Variants in USP13 observed in about 807,000 individuals in gnomAD.
The protein encoded by USP13 is ubiquitin carboxyl-terminal hydrolase 13.
USP13 carries 68 observed loss-of-function variants against 107.8 expected under a neutral mutation model. The ratio of observed to expected loss-of-function variants is 0.63; its 90% CI spans 0.52 to 0.77. USP13 has a LOEUF of 0.77. USP13 is among the 30% of genes least tolerant of loss of function. USP13 has a pLI of 0.00. For synonymous variants in USP13, 377 were observed against 389.5 expected, an observed-to-expected ratio of 0.97 and a Z score of 0.38; for missense variants, 945 against 1,093.3, an observed-to-expected ratio of 0.86 and a Z score of 1.91.
In USP13 at chr3:179,700,669, C is replaced by T. The variant is rs530722829; in HGVS notation, c.356-339C>T. ...TACCTGACACATCGTAATTACCAATCCTTGCCTTTTTAAGAGTTTCTAAGA... is the reference window on the plus strand; with the variant it reads ...TACCTGACACATCGTAATTACCAATTCTTGCCTTTTTAAGAGTTTCTAAGA... On this transcript the variant is annotated intron_variant, in intron 3 of 20. Coordinates refer to ENST00000263966, the MANE Select transcript of USP13 (RefSeq NM_003940.3). 1.4e-3 allele frequency among the ~76,000 whole-genome samples: 217 copies of T among 152,248 alleles called. 1 individual carries two copies. Among genetic ancestry groups the T allele is most frequent in the Non-Finnish European group, 3.1e-4 (21 of 68,026 alleles).
At position 179,721,281 on chromosome 3, in the gene USP13, T is replaced by C. The variant is rs1423239128; in HGVS notation, c.901-121T>C. 1 of 1,027,614 alleles carries C rather than the reference T, an allele frequency of 9.7e-7. No individual in the cohort carries two copies. Among genetic ancestry groups the C allele is most frequent in the East Asian group, 2.6e-5 (1 of 38,648 alleles). 63.7% of individuals were successfully genotyped at this position (1,027,614 alleles called of 1,614,324 possible). On this transcript the variant is annotated intron_variant, in intron 7 of 20. Transcript: ENST00000263966. The surrounding 1 kb of genome is among the most constrained non-coding windows in gnomAD (Gnocchi z 4.3). ...CTTTTTTATTTGCATTGTTTATTTC[T>C]CTATGTAATTGGGGAAAAAAATGGC...
At chr3:179,703,356 T>C (rs1422878518) in intron 4 of USP13, among the ~76,000 whole-genome samples, 1 of 152,232 alleles carries the variant, frequency 6.6e-6, no homozygotes, top group Non-Finnish European at 1.5e-5. Context: ...TCAAACCATC[T>C]AACCAGGTGA....
intron 13 of USP13, among the ~76,000 whole-genome samples, chr3:179,750,389 G>A (rs1367565271): frequency 1.4e-5 from 2 of 147,964 alleles, no homozygotes; most frequent in African/African-American, 5.0e-5. Context: ...TTTTTTTGGT[G>A]CAGTTGAGGA....
At chr3:179,657,451 A>G (rs1386293817) in intron 1 of USP13, among the ~76,000 whole-genome samples, 2 of 151,926 alleles carry the variant, frequency 1.3e-5, no homozygotes, top group Non-Finnish European at 2.9e-5. Context: ...GAATGGAAGG[A>G]AGAAAGAAGA....
Position 179,653,391 on chromosome 3 carries a change from C to T in USP13, c.166C>T (p.Pro56Ser). 2 of 1,557,726 alleles carry T rather than the reference C, an allele frequency of 1.3e-6. No individual in the cohort carries two copies. The highest frequency in any genetic ancestry group is 1.7e-6 in the Non-Finnish European group (2 of 1,150,744). The change falls in exon 1 of 21, where the codon CCC becomes TCC. Residue 56 changes from proline to serine, a missense_variant and splice_region_variant. Coordinates refer to ENST00000263966, the MANE Select transcript of USP13 (RefSeq NM_003940.3). This position sits in a 1 kb window ranked among gnomAD's most constrained non-coding sequence, Gnocchi z 4.0. ...KNECAFSYDS[P>S]NSEGGLYVCM... Reference sequence around the variant, plus strand: ...CGAGTGCGCCTTCTCCTACGACTCTCCCGTAAGTGAGGCGCCTCGGGGGAG... The same window carrying T: ...CGAGTGCGCCTTCTCCTACGACTCTTCCGTAAGTGAGGCGCCTCGGGGGAG...
At chr3:179,688,580 G>A (rs1427244045) in intron 2 of USP13, among the ~76,000 whole-genome samples, 1 of 152,190 alleles carries the variant, frequency 6.6e-6, no homozygotes, top group Non-Finnish European at 1.5e-5. Flanking sequence ...CTGATGCAGA[G>A]GTGATGGTCT....
At chr3:179,738,220 G>A in intron 10 of USP13, among the ~76,000 whole-genome samples, 1 of 152,354 alleles carries the variant, frequency 6.6e-6, no homozygotes, top group Non-Finnish European at 1.5e-5. Context: ...GGACTTCAGA[G>A]GAGAGGAATA....
chr3:179,727,028 G>A (rs943595782), intron 8 of USP13, among the ~76,000 whole-genome samples: 2 of 151,096 alleles, frequency 1.3e-5, no homozygotes, highest in African/African-American at 4.8e-5. Flanking sequence ...TGAGGATAAT[G>A]ATAACAACAA....
intron 6 of USP13, among the ~76,000 whole-genome samples, chr3:179,717,982 G>T (rs745926047): frequency 6.6e-6 from 1 of 151,992 alleles, no homozygotes; most frequent in African/African-American, 2.4e-5. Flanking sequence ...GGGGAGCAGC[G>T]AGTCTCCATA....
chr3:179,659,366 T>A (rs540433025), intron 1 of USP13, among the ~76,000 whole-genome samples: 1 of 152,192 alleles, frequency 6.6e-6, no homozygotes, highest in Non-Finnish European at 1.5e-5. Context: ...CTCACATGTA[T>A]ATAGAGCAGT....
chr3:179,758,451 G>A (rs1714882370), intron 16 of USP13, among the ~76,000 whole-genome samples: 1 of 152,074 alleles, frequency 6.6e-6, no homozygotes, highest in Non-Finnish European at 1.5e-5. Flanking sequence ...ACAATCAGGA[G>A]AAAATAAAAC....
rs1260999190 is a variant in USP13, at chr3:179,789,244, T to A, written c.*5103T>A. 6.6e-6 allele frequency: 1 copy of A among 152,224 alleles called. No homozygotes were observed. Among genetic ancestry groups the A allele is most frequent in the African/African-American group, 2.4e-5 (1 of 41,458 alleles). 9.4% of individuals were successfully genotyped at this position (152,224 alleles called of 1,614,324 possible). The stretch of plus-strand genomic sequence containing the variant: ...TGCCCACCTGTCCAGCAGGTTTTGA[T>A]GTTGGCTCCTGAAAGAGTTTGTATT... On this transcript the variant is annotated 3_prime_UTR_variant, in exon 21 of 21. Transcript: ENST00000263966.
At chr3:179,755,222 CA>C (rs1296826392) in intron 15 of USP13, among the ~76,000 whole-genome samples, 1 of 152,150 alleles carries the variant, frequency 6.6e-6, no homozygotes, top group Non-Finnish European at 1.5e-5. Flanking sequence ...TTTTTTACTG[CA>C]TCATAGAAAG....
intron 11 of USP13, among the ~76,000 whole-genome samples, chr3:179,741,822 A>G (rs1714211413): frequency 6.6e-6 from 1 of 152,224 alleles, no homozygotes; most frequent in Non-Finnish European, 1.5e-5. Context: ...CCTAATTTAC[A>G]TGAGTGTATT....
At chr3:179,698,615 C>A (rs1010105614) in intron 3 of USP13, among the ~76,000 whole-genome samples, 7 of 151,208 alleles carry the variant, frequency 4.6e-5, no homozygotes, top group African/African-American at 1.7e-4. Context: ...CACACATAAA[C>A]ACAAGATTTA....
intron 1 of USP13, among the ~76,000 whole-genome samples, chr3:179,657,495 G>A (rs1462119240): frequency 1.3e-5 from 2 of 152,108 alleles, no homozygotes; most frequent in African/African-American, 4.8e-5. Context: ...GGGTGCTGTG[G>A]CTCCCACCTG....
intron 2 of USP13, among the ~76,000 whole-genome samples, chr3:179,687,659 C>CAAAAAAAAAAAAAAAAACAAAAA (rs1711921387): frequency 5.4e-5 from 1 of 18,516 alleles, no homozygotes. Context: ...AACTCTGTCT[C>CAAAAAAAAAAAAAAAAACAAAAA]AAAAAAAAAA....
At chr3:179,659,781 G>C (rs910143770) in intron 1 of USP13, among the ~76,000 whole-genome samples, 1 of 152,198 alleles carries the variant, frequency 6.6e-6, no homozygotes, top group Non-Finnish European at 1.5e-5. Flanking sequence ...GCTCACACCT[G>C]TAATCCCAGC....
chr3:179,658,918 C>G (rs1228304015), intron 1 of USP13, among the ~76,000 whole-genome samples: 1 of 152,254 alleles, frequency 6.6e-6, no homozygotes, highest in African/African-American at 2.4e-5. Context: ...GAGGCTAAGA[C>G]TGTTGGGCCA....
Sources: gnomAD v4.1 joint callset for allele counts (sites outside exome capture counted in the v4.1 genomes callset) on GRCh38, gnomAD v4.1.1 for gene constraint, Gnocchi (gnomAD v3.1) non-coding constraint, MANE v1.5 for transcripts, NCBI Gene and HGNC (gene_info 2026-07-23, HGNC 2026-07-21) for gene names.